Variants in CKAP2L observed in about 807,000 individuals in gnomAD.
CKAP2L encodes the protein cytoskeleton-associated protein 2-like.
In CKAP2L, 42 loss-of-function variants were observed where a neutral mutation model predicts 65.7. That is an observed-to-expected ratio of 0.64 (90% CI 0.50 to 0.83). The LOEUF (loss-of-function observed/expected upper bound fraction) is 0.83. CKAP2L is among the 40% of genes least tolerant of loss of function. The pLI is 0.00. For missense variants in CKAP2L, 908 were observed against 871.0 expected (o/e 1.04, Z -0.53); for synonymous variants, 325 against 313.5 (o/e 1.04, Z -0.39).
chr2:112,760,599 T>C (rs1204405291), intron 3 of CKAP2L, 114 bp downstream of exon 3: 2 of 582,172 alleles, frequency 3.4e-6, no homozygotes, highest in East Asian at 6.8e-5. Flanking sequence ...TGTTTTTATA[T>C]CTGTAAGAAA....
intron 8 of CKAP2L, among the ~76,000 whole-genome samples, chr2:112,740,067 G>A: frequency 6.6e-6 from 1 of 152,106 alleles, no homozygotes; most frequent in East Asian, 1.9e-4. Context: ...TGTAATTAGT[G>A]GTTTTGTGAA....
intron 6 of CKAP2L, among the ~76,000 whole-genome samples, chr2:112,746,161 T>C (rs1386262484): frequency 6.6e-6 from 1 of 152,194 alleles, no homozygotes; most frequent in Non-Finnish European, 1.5e-5. Context: ...TTGATGCAGT[T>C]TTTGTAAATA....
chr2:112,755,935 A>C, intron 4 of CKAP2L, 42 bp downstream of exon 4: 4 of 1,512,960 alleles, frequency 2.6e-6, no homozygotes, highest in Non-Finnish European at 3.5e-6. Context: ...CAATTTGCCT[A>C]ATCATCTTAA....
rs955208903 is a variant in CKAP2L at position 112,737,399 on chromosome 2, CTTG to C, written c.*1421_*1423del. The C allele has an allele frequency of 4.6e-5, 7 of 152,280 alleles. 1 individual carries two copies. The highest frequency in any genetic ancestry group is 1.7e-4 in the African/African-American group (7 of 41,550). The allele number at this position is 152,280 out of a possible 1,614,324, so 9.4% of individuals were successfully genotyped here. A position where few individuals can be genotyped will look rare whatever the true frequency, so the allele number is the denominator to read the frequency against. On this transcript the variant is annotated 3_prime_UTR_variant, in exon 9 of 9. Coordinates refer to ENST00000302450, the MANE Select transcript of CKAP2L (RefSeq NM_152515.5). Reference sequence around the variant, plus strand: ...AATCTCATCAACATTTATCTCATGTCTTGTTAATAGCCATTCTTATAGATGTGA... The same window carrying C: ...AATCTCATCAACATTTATCTCATGTCTTAATAGCCATTCTTATAGATGTGA...
At chr2:112,762,356 G>T in intron 2 of CKAP2L, 147 bp downstream of exon 2, 1 of 647,494 alleles carries the variant, frequency 1.5e-6, no homozygotes. Flanking sequence ...TGTCATGCCT[G>T]GACTGAAATG....
At chr2:112,746,120 G>C (rs1317710762) in intron 6 of CKAP2L, among the ~76,000 whole-genome samples, 1 of 152,196 alleles carries the variant, frequency 6.6e-6, no homozygotes, top group South Asian at 2.1e-4. Flanking sequence ...CATGGAAAAT[G>C]ACATTTTAAG....
chr2:112,757,952 T>C (rs1359520627), intron 3 of CKAP2L, among the ~76,000 whole-genome samples: 1 of 152,202 alleles, frequency 6.6e-6, no homozygotes, highest in East Asian at 1.9e-4. Flanking sequence ...TATATGTTTT[T>C]TAAACCACTG....
chr2:112,741,412 C>T (rs1679954127), intron 7 of CKAP2L, among the ~76,000 whole-genome samples: 1 of 152,192 alleles, frequency 6.6e-6, no homozygotes, highest in Non-Finnish European at 1.5e-5. Flanking sequence ...CAATCCCATT[C>T]CTCCCCAGGA....
intron 5 of CKAP2L, among the ~76,000 whole-genome samples, chr2:112,746,916 T>C (rs140248106): frequency 0.017 from 2,545 of 152,098 alleles, 73 homozygotes; most frequent in African/African-American, 0.058. Flanking sequence ...GCCTCCCCAG[T>C]AGCTGGGACT....
Position 112,737,010 on chromosome 2 carries a change from T to G in CKAP2L, c.*1813A>C, listed in dbSNP as rs1679296073. On this transcript the variant is annotated 3_prime_UTR_variant, in exon 9 of 9. Coordinates refer to ENST00000302450, the MANE Select transcript of CKAP2L (RefSeq NM_152515.5). ...GACGCAATTTTGGCTCACTGCAACC[T>G]CCACCTCCCGAGTTCAAGTGATTCT... is the stretch of plus-strand genomic sequence containing the variant. 6.6e-6 allele frequency: 1 copy of G among 152,056 alleles called. No homozygotes were observed. Among genetic ancestry groups the G allele is most frequent in the Non-Finnish European group, 1.5e-5 (1 of 68,014 alleles). The allele number at this position is 152,056 out of a possible 1,614,324, so 9.4% of individuals were successfully genotyped here. A position where few individuals can be genotyped will look rare whatever the true frequency, so the allele number is the denominator to read the frequency against.
rs150198099 is a variant in CKAP2L, at chr2:112,743,402, A to G, written c.1759-633T>C. Among the ~76,000 whole-genome samples the G allele has an allele frequency of 5.5e-3, 833 of 152,192 alleles. 9 individuals are homozygous for G. Among genetic ancestry groups the G allele is most frequent in the African/African-American group, 0.019 (786 of 41,514 alleles). On this transcript the variant is annotated intron_variant, in intron 6 of 8. Coordinates refer to ENST00000302450, the MANE Select transcript of CKAP2L (RefSeq NM_152515.5). ...CGTGATCCACCCGCCTCGGCCTCCC[A>G]AACTGCTGGGATTACACGAGTGAGC...
At chr2:112,755,049 C>A (rs993290729) in intron 4 of CKAP2L, among the ~76,000 whole-genome samples, 1 of 152,204 alleles carries the variant, frequency 6.6e-6, no homozygotes, top group Non-Finnish European at 1.5e-5. Context: ...GTGTTCAGGG[C>A]TGTACCAAGC....
At chr2:112,740,745 C>A in intron 8 of CKAP2L, 73 bp downstream of exon 8, 1 of 1,267,630 alleles carries the variant, frequency 7.9e-7, no homozygotes, top group Non-Finnish European at 1.1e-6. Context: ...TACTCTAGAT[C>A]TGTGAAGGAA....
Position 112,746,575 on chromosome 2 carries a change from C to G in CKAP2L, c.1603G>C (p.Gly535Arg). The G allele has an allele frequency of 6.2e-7, 1 of 1,603,444 alleles. No homozygotes were observed. Among genetic ancestry groups the G allele is most frequent in the Non-Finnish European group, 8.5e-7 (1 of 1,172,734 alleles). ...TTAAGTATTTCATTAGAAGGTACAC[C>G]CTGAAATAAACCAAAATATCCAGAG... ...LTECLNLIEGGVPSNEILNIL... is the reference protein window; with the variant it reads ...LTECLNLIEGRVPSNEILNIL... Residue 535 changes from glycine (G) to arginine (R), a missense_variant and splice_region_variant, in exon 6 of 9, where the codon GGT (glycine) becomes CGT (arginine). Physicochemically the swap from Gly to Arg is moderately radical, Grantham distance 125. Coordinates refer to ENST00000302450, the MANE Select transcript of CKAP2L (RefSeq NM_152515.5).
At chr2:112,753,613 C>T (rs1338887574) in intron 4 of CKAP2L, among the ~76,000 whole-genome samples, 9 of 149,128 alleles carry the variant, frequency 6.0e-5, no homozygotes, top group South Asian at 4.2e-4. Flanking sequence ...CTGCAACCTC[C>T]GCCTCCTGGG....
In CKAP2L at chr2:112,738,707, G is replaced by A. The variant is rs1679574642; in HGVS notation, c.*116C>T. On this transcript the variant is annotated 3_prime_UTR_variant, in exon 9 of 9. Coordinates refer to ENST00000302450, the MANE Select transcript of CKAP2L (RefSeq NM_152515.5). ...AAGCCCAGTGAATTACTTAAGTCCT[G>A]AGCGTCCATAATCTGCATCCATGAT... 7.4e-6 allele frequency: 5 copies of A among 674,156 alleles called. No homozygotes were observed. Among genetic ancestry groups the A allele is most frequent in the Non-Finnish European group, 1.3e-5 (5 of 388,254 alleles). The allele number at this position is 674,156 out of a possible 1,614,324, so 41.8% of individuals were successfully genotyped here.
chr2:112,758,541 C>T (rs995748023), intron 3 of CKAP2L, among the ~76,000 whole-genome samples: 9 of 152,036 alleles, frequency 5.9e-5, no homozygotes, highest in South Asian at 2.1e-4. Context: ...AGTGAAACAG[C>T]GGAGTTGGGA....
At position 112,739,039 on chromosome 2, in the gene CKAP2L, C is replaced by T; in HGVS notation, c.2022G>A (p.Gly674=). 1.2e-6 allele frequency: 2 copies of T among 1,613,344 alleles called. No individual in the cohort carries two copies. The highest frequency in any genetic ancestry group is 1.7e-6 in the Non-Finnish European group (2 of 1,179,428). The change falls in exon 9 of 9, where the codon GGG becomes GGA. Residue 674 remains glycine (G), a synonymous_variant. Coordinates refer to ENST00000302450, the MANE Select transcript of CKAP2L (RefSeq NM_152515.5). ...ATTTCATGTCTTGCACTTCCGGCAT[C>T]CCATTTATTCTGAGAGACAGCAAGA... ...LQIGPIPRIN[G]MPEVQDMKFI...
chr2:112,742,920 T>C (rs1293513938), intron 6 of CKAP2L, 151 bp from the exon 7 acceptor site: 2 of 592,080 alleles, frequency 3.4e-6, no homozygotes, highest in Non-Finnish European at 5.9e-6. Flanking sequence ...TTGACAGTTT[T>C]ATAGCTTCAT....
Sources: allele counts gnomAD v4.1 joint callset (sites outside exome capture counted in the v4.1 genomes callset), GRCh38; gene constraint gnomAD v4.1.1; transcripts MANE v1.5; gene names NCBI Gene and HGNC (gene_info 2026-07-23, HGNC 2026-07-21).